The following OCIAD2 variants were observed in gnomAD, a reference collection of about 807,000 sequenced individuals.
OCIAD2 encodes OCIA domain containing 2.
In OCIAD2, 29 loss-of-function variants were observed where a neutral mutation model predicts 22.9. That is an observed-to-expected ratio of 1.27 (90% CI 0.94 to 1.73). OCIAD2 has a LOEUF of 1.73. OCIAD2 is among the 40% of genes most tolerant of loss of function. The pLI, the probability that OCIAD2 is intolerant of heterozygous loss-of-function variation, is 0.00. For synonymous variants in OCIAD2, 67 were observed against 60.2 expected, an observed-to-expected ratio of 1.11 and a Z score of -0.52; for missense variants, 189 against 180.3, an observed-to-expected ratio of 1.05 and a Z score of -0.28.
chr4:48,903,341 A>G (rs1375131743), intron 2 of OCIAD2, among the ~76,000 whole-genome samples: 1 of 152,214 alleles, frequency 6.6e-6, no homozygotes, highest in Non-Finnish European at 1.5e-5. Flanking sequence ...GATTACTTAC[A>G]GTAATATAAA....
At chr4:48,905,964 T>TAGGATG (rs560345641) in intron 1 of OCIAD2, among the ~76,000 whole-genome samples, 11 of 152,244 alleles carry the variant, frequency 7.2e-5, no homozygotes, top group Non-Finnish European at 8.8e-5. Context: ...GAATGAAGAC[T>TAGGATG]AGGATGAGGA....
chr4:48,887,763 A>G (rs1377176906), intron 6 of OCIAD2, among the ~76,000 whole-genome samples: 5 of 152,198 alleles, frequency 3.3e-5, no homozygotes, highest in Admixed American at 6.6e-5. Flanking sequence ...GTTTGAAGTC[A>G]GGTAGCATGA....
chr4:48,894,077 T>A (rs1553905673), intron 4 of OCIAD2, 24 bp from the exon 5 acceptor site: 2 of 1,214,804 alleles, frequency 1.6e-6, no homozygotes, highest in East Asian at 5.2e-5. Flanking sequence ...AAGAAAAACA[T>A]TATTATTTCA....
chr4:48,891,889 G>T (rs970822364), intron 6 of OCIAD2, among the ~76,000 whole-genome samples: 24 of 152,332 alleles, frequency 1.6e-4, no homozygotes, highest in African/African-American at 5.3e-4. Flanking sequence ...ACTGCTAATG[G>T]TGTCACCTTC....
At chr4:48,894,447 G>A (rs1419013772) in intron 4 of OCIAD2, among the ~76,000 whole-genome samples, 1 of 151,934 alleles carries the variant, frequency 6.6e-6, no homozygotes, top group Admixed American at 6.6e-5. Flanking sequence ...GAGCTGAGAT[G>A]GCACCGATGC....
At chr4:48,889,927 TA>T (rs1309183810) in intron 6 of OCIAD2, among the ~76,000 whole-genome samples, 1 of 151,862 alleles carries the variant, frequency 6.6e-6, no homozygotes, top group South Asian at 2.1e-4. Flanking sequence ...TATACAGCCA[TA>T]AAAAAGGATG....
chr4:48,889,370 G>C (rs142427946), intron 6 of OCIAD2, among the ~76,000 whole-genome samples: 13 of 152,106 alleles, frequency 8.5e-5, no homozygotes, highest in African/African-American at 2.9e-4. Context: ...ATTTGACAAA[G>C]GGCTAATATC....
At chr4:48,904,257 G>C (rs892801468) in intron 2 of OCIAD2, among the ~76,000 whole-genome samples, 3 of 152,120 alleles carry the variant, frequency 2.0e-5, no homozygotes, top group Admixed American at 6.5e-5. Context: ...TTTGAGACCA[G>C]CTTGGGCAAT....
intron 2 of OCIAD2, among the ~76,000 whole-genome samples, chr4:48,904,060 C>T (rs1781474391): frequency 6.6e-6 from 1 of 152,060 alleles, no homozygotes; most frequent in Admixed American, 6.6e-5. Flanking sequence ...GCCCATCCAA[C>T]AAAGTGCCAG....
At chr4:48,890,314 C>T (rs762821953) in intron 6 of OCIAD2, among the ~76,000 whole-genome samples, 19 of 151,744 alleles carry the variant, frequency 1.3e-4, no homozygotes, top group Non-Finnish European at 2.8e-4. Flanking sequence ...TTTCACCCCT[C>T]AAAGAGCCAA....
chr4:48,888,660 C>T (rs1196240895), intron 6 of OCIAD2, among the ~76,000 whole-genome samples: 2 of 152,158 alleles, frequency 1.3e-5, no homozygotes, highest in Non-Finnish European at 2.9e-5. Context: ...GTATGTTCAA[C>T]CAGTCTTGCA....
At chr4:48,889,342 A>C (rs182205496) in intron 6 of OCIAD2, among the ~76,000 whole-genome samples, 1 of 151,570 alleles carries the variant, frequency 6.6e-6, no homozygotes, top group African/African-American at 2.4e-5. Flanking sequence ...ATCTCCTGAA[A>C]ATTTTTACAA....
rs760461396 is a variant in OCIAD2, at chr4:48,904,535, A to G, written c.15T>C (p.Ser5=). 2.2e-5 allele frequency: 35 copies of G among 1,614,074 alleles called. No homozygotes were observed. The highest frequency in any genetic ancestry group is 1.6e-4 in the Middle Eastern group (1 of 6,084). ...CATCTTTATCTTGGTTTCCACGAGC[A>G]GACGCTGAAGCCATGATGACTTTGT... MASA[S]ARGNQDKDAH... The change falls in exon 2 of 7, where the codon TCT becomes TCC. Residue 5 remains serine, a synonymous_variant. Coordinates refer to ENST00000508632, the MANE Select transcript of OCIAD2 (RefSeq NM_001014446.3).
In OCIAD2 at chr4:48,885,026, C is replaced by T. The variant is rs936721782; in HGVS notation, c.*458G>A. On this transcript the variant is annotated 3_prime_UTR_variant, in exon 7 of 7. Coordinates refer to ENST00000508632, the MANE Select transcript of OCIAD2 (RefSeq NM_001014446.3). Reference sequence around the variant, plus strand: ...TGTGTGATGGAGTCTAGCTCTGGCACCCAGGCTGGAGTGCAGTGGCACAAT... The same window carrying T: ...TGTGTGATGGAGTCTAGCTCTGGCATCCAGGCTGGAGTGCAGTGGCACAAT... 25 of 166,646 alleles carry T rather than the reference C, an allele frequency of 1.5e-4. No individual in the cohort carries two copies. Among genetic ancestry groups the T allele is most frequent in the Admixed American group, 2.5e-4 (4 of 16,116 alleles). The allele number at this position is 166,646 out of a possible 1,614,324, so 10.3% of individuals were successfully genotyped here.
intron 2 of OCIAD2, among the ~76,000 whole-genome samples, chr4:48,900,873 CG>C (rs1781400043): frequency 6.6e-6 from 1 of 152,042 alleles, no homozygotes; most frequent in Non-Finnish European, 1.5e-5. Context: ...GGATTACAGG[CG>C]TAAGTCACTG....
intron 4 of OCIAD2, 42 bp downstream of exon 4, chr4:48,897,762 G>C (rs1781332011): frequency 6.8e-7 from 1 of 1,475,074 alleles, no homozygotes; most frequent in Admixed American, 1.7e-5. Flanking sequence ...CAGTAAACTG[G>C]GCTCTCTGAA....
At chr4:48,896,737 C>T (rs1781310863) in intron 4 of OCIAD2, among the ~76,000 whole-genome samples, 1 of 151,006 alleles carries the variant, frequency 6.6e-6, no homozygotes, top group South Asian at 2.1e-4. Context: ...AGTTTGAGGA[C>T]AGCTTGGGCA....
chr4:48,899,955 T>A lies in OCIAD2; in HGVS notation c.67-30A>T, dbSNP rs1270552566. ...AAGGAAAGTTATATGGTGAGCTAAC[T>A]GAGGTCATTGAAAAATCACCCACTT... On this transcript the variant is annotated intron_variant, in intron 2 of 6. Transcript: ENST00000508632. 6 of 1,527,178 alleles carry A rather than the reference T, an allele frequency of 3.9e-6. No individual in the cohort carries two copies. In the South Asian group the frequency reaches 6.8e-5, roughly 17 times the overall value. 94.6% of individuals were successfully genotyped at this position (1,527,178 alleles called of 1,614,324 possible).
intron 6 of OCIAD2, among the ~76,000 whole-genome samples, chr4:48,888,752 G>A (rs1202856403): frequency 6.6e-6 from 1 of 152,096 alleles, no homozygotes; most frequent in African/African-American, 2.4e-5. Flanking sequence ...AGTCTATTGA[G>A]GATTTTTGCA....
Sources: gnomAD v4.1 joint callset for allele counts (sites outside exome capture counted in the v4.1 genomes callset) on GRCh38, gnomAD v4.1.1 for gene constraint, MANE v1.5 for transcripts, NCBI Gene and HGNC (gene_info 2026-07-23, HGNC 2026-07-21) for gene names.